Variants in LARGE1 observed in about 807,000 individuals in gnomAD.
The protein encoded by LARGE1 is xylosyl- and glucuronyltransferase LARGE1.
LARGE1 carries 43 observed loss-of-function variants against 87.6 expected under a neutral mutation model. The observed-to-expected ratio is 0.49, with a 90% confidence interval of 0.38 to 0.63. LARGE1 has a LOEUF of 0.63. Among genes scored for constraint, LARGE1 ranks in the 30% least tolerant of loss-of-function variants. The pLI, the probability that LARGE1 is intolerant of heterozygous loss-of-function variation, is 0.00. For synonymous variants in LARGE1, 434 were observed against 394.6 expected, an observed-to-expected ratio of 1.10 and a Z score of -1.18; for missense variants, 802 against 1,000.2, an observed-to-expected ratio of 0.80 and a Z score of 2.67.
rs150161445 is a variant in LARGE1 at position 33,903,811 on chromosome 22, G to A, written c.-83+16184C>T. Among the ~76,000 whole-genome samples the A allele has an allele frequency of 5.3e-3, 800 of 152,202 alleles. 10 individuals carry two copies. Among genetic ancestry groups the A allele is most frequent in the African/African-American group, 0.018 (767 of 41,524 alleles). On this transcript the variant is annotated intron_variant, in intron 1 of 14. Transcript: ENST00000397394. ...CTGCACCCTAGCCTGGTGACAGAGCGAGACTCCATCTCCAAAAAACAAAAC... is the reference window on the plus strand; with the variant it reads ...CTGCACCCTAGCCTGGTGACAGAGCAAGACTCCATCTCCAAAAAACAAAAC...
At chr22:33,527,333 G>A (rs771846576) in intron 6 of LARGE1, among the ~76,000 whole-genome samples, 4 of 152,156 alleles carry the variant, frequency 2.6e-5, no homozygotes, top group Non-Finnish European at 4.4e-5. Context: ...TTTCCCAAGC[G>A]TACTCCAAAT....
chr22:33,755,065 T>TA (rs1367229901), intron 2 of LARGE1, among the ~76,000 whole-genome samples: 2 of 152,206 alleles, frequency 1.3e-5, no homozygotes, highest in East Asian at 1.9e-4. Context: ...AGCTTTAACT[T>TA]ACAATTCTTT....
chr22:33,816,307 C>T (rs5754691), intron 1 of LARGE1, among the ~76,000 whole-genome samples: 25,626 of 152,112 alleles, frequency 0.17, 2,463 homozygotes, highest in Middle Eastern at 0.3. Flanking sequence ...AAAATGCCAC[C>T]GACTAGGTAG....
chr22:33,761,175 A>AT (rs998462509), intron 2 of LARGE1, among the ~76,000 whole-genome samples, 196 bp downstream of exon 2: 1 of 151,690 alleles, frequency 6.6e-6, no homozygotes, highest in Non-Finnish European at 1.5e-5. Flanking sequence ...GGTATGCCTT[A>AT]TTTTGCTTGT....
chr22:33,134,638 A>G, the LARGE1 span, among the ~76,000 whole-genome samples: 1,255 of 152,316 alleles, frequency 8.2e-3, 16 homozygotes, highest in African/African-American at 0.028. Flanking sequence ...TTGAGCATGT[A>G]GAAGTTGCTG....
chr22:33,613,236 C>T lies in LARGE1; in HGVS notation c.492-8678G>A, dbSNP rs183674056. Among the ~76,000 whole-genome samples, 187 of 152,336 alleles carry T rather than the reference C, an allele frequency of 1.2e-3. 1 individual carries two copies. Among genetic ancestry groups the T allele is most frequent in the Non-Finnish European group, 1.5e-4 (10 of 68,040 alleles). Reference sequence around the variant, plus strand: ...CTTGAGGGGTTCCATTAATGTTCCACTTTGGGTACCATCATAAGAATTTGG... The same window carrying T: ...CTTGAGGGGTTCCATTAATGTTCCATTTTGGGTACCATCATAAGAATTTGG... On this transcript the variant is annotated intron_variant, in intron 4 of 14. Coordinates refer to ENST00000397394, the MANE Select transcript of LARGE1 (RefSeq NM_133642.5).
chr22:33,917,990 C>A (rs139515329), intron 1 of LARGE1, among the ~76,000 whole-genome samples: 34 of 152,260 alleles, frequency 2.2e-4, no homozygotes, highest in African/African-American at 7.5e-4. Flanking sequence ...CCCTAGTGTC[C>A]TGCTACTGTA....
intron 6 of LARGE1, among the ~76,000 whole-genome samples, chr22:33,543,439 G>A (rs1248287316): frequency 1.3e-5 from 2 of 152,106 alleles, no homozygotes; most frequent in Non-Finnish European, 2.9e-5. Context: ...ACTCATCCAC[G>A]CATCAAAAGT....
intron 2 of LARGE1, among the ~76,000 whole-genome samples, chr22:33,728,871 G>A (rs1411785262): frequency 4.6e-5 from 7 of 152,146 alleles, no homozygotes; most frequent in East Asian, 1.9e-4. Flanking sequence ...CTTGGCCTGC[G>A]GTTGGCCTCA....
intron 1 of LARGE1, among the ~76,000 whole-genome samples, chr22:33,833,501 G>T (rs1019461056): frequency 2.0e-5 from 3 of 152,094 alleles, no homozygotes; most frequent in Non-Finnish European, 2.9e-5. Context: ...AAGGAGAGAG[G>T]CCCTGGAAGA....
At chr22:33,146,702 T>C in the LARGE1 span, among the ~76,000 whole-genome samples, 2 of 152,200 alleles carry the variant, frequency 1.3e-5, no homozygotes, top group East Asian at 3.9e-4. Context: ...TTTATACTAC[T>C]TAGGACTAGA....
chr22:33,355,404 C>T (rs567401789), intron 9 of LARGE1, among the ~76,000 whole-genome samples: 24 of 152,334 alleles, frequency 1.6e-4, no homozygotes, highest in Admixed American at 3.3e-4. Context: ...TTGCATACAA[C>T]GGGCACTCAA....
intron 3 of LARGE1, 35 bp downstream of exon 3, chr22:33,650,332 G>A: frequency 6.2e-7 from 1 of 1,613,140 alleles, no homozygotes; most frequent in East Asian, 2.2e-5. Flanking sequence ...CGGGACTTTG[G>A]ACAACTTCCT....
the LARGE1 span, among the ~76,000 whole-genome samples, chr22:33,071,366 G>A: frequency 2.0e-5 from 3 of 152,202 alleles, no homozygotes; most frequent in African/African-American, 7.2e-5. Context: ...AGTGGATTCA[G>A]TAGGTAGGAG....
At chr22:33,768,929 A>C (rs2084985689) in intron 1 of LARGE1, among the ~76,000 whole-genome samples, 1 of 152,136 alleles carries the variant, frequency 6.6e-6, no homozygotes, top group Non-Finnish European at 1.5e-5. Context: ...TCATATATAC[A>C]CGAATGTTTG....
intron 11 of LARGE1, among the ~76,000 whole-genome samples, chr22:33,222,659 C>T (rs1169976943): frequency 6.6e-6 from 1 of 152,172 alleles, no homozygotes; most frequent in Non-Finnish European, 1.5e-5. Context: ...TGAGCAGCCA[C>T]AAGCCCAGGA....
intron 11 of LARGE1, among the ~76,000 whole-genome samples, chr22:33,313,710 G>C (rs1209728820): frequency 6.6e-6 from 1 of 152,166 alleles, no homozygotes; most frequent in Non-Finnish European, 1.5e-5. Context: ...CAAGGAAATG[G>C]GACCTCCATC....
At chr22:33,548,823 G>A (rs889452241) in intron 6 of LARGE1, among the ~76,000 whole-genome samples, 1 of 152,142 alleles carries the variant, frequency 6.6e-6, no homozygotes. Context: ...AGGATTATTG[G>A]CTGGATTTGG....
At chr22:33,813,391 T>C (rs1476199041) in intron 1 of LARGE1, among the ~76,000 whole-genome samples, 1 of 152,074 alleles carries the variant, frequency 6.6e-6, no homozygotes. Context: ...GATAGTCAAA[T>C]GCCACAAGAC....
Sources: gnomAD v4.1 joint callset for allele counts (sites outside exome capture counted in the v4.1 genomes callset) on GRCh38, gnomAD v4.1.1 for gene constraint, MANE v1.5 for transcripts, NCBI Gene and HGNC (gene_info 2026-07-23, HGNC 2026-07-21) for gene names.